RAI1: variants seen among roughly 807,000 people sequenced by gnomAD.
RAI1 encodes retinoic acid induced 1.
Under a neutral mutation model 123.8 loss-of-function variants are expected in RAI1, and 9 were observed. That is an observed-to-expected ratio of 0.07 (90% CI 0.04 to 0.13). RAI1 has a LOEUF of 0.13. RAI1 is among the 10% of genes least tolerant of loss of function. The pLI is 1.00. For missense variants in RAI1, 2,256 were observed against 2,545.8 expected (o/e 0.89, Z 2.45); for synonymous variants, 1,231 against 1,127.3 (o/e 1.09, Z -1.84).
At position 17,707,888 on chromosome 17, in the gene RAI1, A is replaced by G. The variant is rs768664689; in HGVS notation, c.-148-16140A>G. Among the ~76,000 whole-genome samples, 263 of 152,336 alleles carry G rather than the reference A, an allele frequency of 1.7e-3. 3 individuals are homozygous for G. The highest frequency in any genetic ancestry group is 2.2e-3 in the Non-Finnish European group (148 of 68,022). On this transcript the variant is annotated intron_variant, in intron 1 of 5. Transcript: ENST00000353383. ...GGATCATAGGTGTGAGCCACCGTGC[A>G]GGCCAGACTCTAGCTTTCATTCTGA...
At position 17,797,832 on chromosome 17, in the gene RAI1, C is replaced by T. The variant is rs763401743; in HGVS notation, c.4884C>T (p.Ser1628=). 5 of 1,614,060 alleles carry T rather than the reference C, an allele frequency of 3.1e-6. No individual in the cohort carries two copies. The East Asian group carries it at 1.1e-4, about 36-fold the overall frequency. ...CGCCCAAGCCCCACAGGAAGCCTTC[C>T]TCCTCTGCCTCCTCTTCCTCATCCT... is the stretch of plus-strand genomic sequence containing the variant. The part of the protein sequence containing the change: ...GDAPKPHRKP[S]SSASSSSSSS... The change falls in exon 3 of 6, where the codon TCC becomes TCT. Residue 1628 remains serine, a synonymous_variant. Coordinates refer to ENST00000353383, the MANE Select transcript of RAI1 (RefSeq NM_030665.4).
At position 17,810,000 on chromosome 17, in the gene RAI1, G is replaced by C. The variant is rs199817588; in HGVS notation, c.*19G>C. On this transcript the variant is annotated 3_prime_UTR_variant, in exon 6 of 6. Transcript: ENST00000353383. This position sits in a 1 kb window ranked among gnomAD's most constrained non-coding sequence, Gnocchi z 4.9. ...GCCGTAGTAATCCACCCCAACGGCC[G>C]GAGGAGCCGCCGGAGCCCGCCTGCC... 3 of 1,546,658 alleles carry C rather than the reference G, an allele frequency of 1.9e-6. No individual in the cohort carries two copies. Among genetic ancestry groups the C allele is most frequent in the East Asian group, 4.9e-5 (2 of 40,836 alleles).
At chr17:17,788,915 C>T (rs1020127703) in intron 2 of RAI1, among the ~76,000 whole-genome samples, 4 of 152,222 alleles carry the variant, frequency 2.6e-5, no homozygotes, top group Admixed American at 6.5e-5. Context: ...TGACCTCTCC[C>T]TGAGGCTGCC....
At position 17,793,804 on chromosome 17, in the gene RAI1, C is replaced by T; in HGVS notation, c.856C>T (p.Gln286Ter). Residue 286 changes from glutamine (Q) to a stop codon, truncating the protein, a stop_gained, in exon 3 of 6, where the codon CAG (glutamine) becomes TAG (stop). Coordinates refer to ENST00000353383, the MANE Select transcript of RAI1 (RefSeq NM_030665.4). LOFTEE classifies it high-confidence loss of function. The stretch of plus-strand genomic sequence containing the variant: ...CCAGCAGCAGCAGCAGCAGCAGCAG[C>T]AGCAGCAGCAGCAGCAAGCCCTTCA... ...YDQQQQQQQQ[Q>*]QQQQQALQSR... 6.2e-7 allele frequency: 1 copy of T among 1,612,176 alleles called. No homozygotes were observed.
chr17:17,720,272 C>A (rs1915838780), intron 1 of RAI1, among the ~76,000 whole-genome samples: 1 of 152,226 alleles, frequency 6.6e-6, no homozygotes, highest in Non-Finnish European at 1.5e-5. Context: ...GCTGACATGT[C>A]CAGACCTAGG....
chr17:17,740,253 G>A (rs76982372), intron 2 of RAI1, among the ~76,000 whole-genome samples: 2,316 of 152,266 alleles, frequency 0.015, 51 homozygotes, highest in African/African-American at 0.045. Flanking sequence ...TGTGCTGGTG[G>A]TCCAGGCCCC....
chr17:17,716,332 T>C (rs570859729), intron 1 of RAI1, among the ~76,000 whole-genome samples: 51 of 152,370 alleles, frequency 3.3e-4, no homozygotes, highest in African/African-American at 1.2e-3. Flanking sequence ...CTTGGGTGTG[T>C]GTGGACTTCT....
intron 2 of RAI1, among the ~76,000 whole-genome samples, chr17:17,734,926 T>C (rs1916380551): frequency 6.6e-6 from 1 of 152,186 alleles, no homozygotes; most frequent in Non-Finnish European, 1.5e-5. Context: ...CCACCTGACA[T>C]GGGGCAGGGA....
chr17:17,701,514 G>A (rs139295227), intron 1 of RAI1, among the ~76,000 whole-genome samples: 8 of 152,266 alleles, frequency 5.3e-5, no homozygotes, highest in African/African-American at 1.7e-4. Flanking sequence ...ACGGAAGAGG[G>A]AATAGACAGA....
At chr17:17,773,744 C>A (rs922499072) in intron 2 of RAI1, among the ~76,000 whole-genome samples, 2 of 152,122 alleles carry the variant, frequency 1.3e-5, no homozygotes, top group Admixed American at 6.5e-5. Flanking sequence ...GCTTCTGCTG[C>A]AGCCCCTGCC....
chr17:17,771,479 G>A (rs2031156241), intron 2 of RAI1, among the ~76,000 whole-genome samples: 1 of 152,192 alleles, frequency 6.6e-6, no homozygotes, highest in African/African-American at 2.4e-5. Flanking sequence ...GTGACCAAGG[G>A]GCTCTAGAGG....
At chr17:17,744,822 G>A (rs1443100434) in intron 2 of RAI1, among the ~76,000 whole-genome samples, 2 of 147,818 alleles carry the variant, frequency 1.4e-5, no homozygotes, top group Non-Finnish European at 3.0e-5. Context: ...AAGGAAAACT[G>A]TAGAGGCACA....
At chr17:17,722,248 GATGCAGCGACGGATGGATGGATGA>G (rs1179333720) in intron 1 of RAI1, among the ~76,000 whole-genome samples, 1 of 152,218 alleles carries the variant, frequency 6.6e-6, no homozygotes, top group Non-Finnish European at 1.5e-5. Flanking sequence ...AAGGTGGGTG[GATGCAGCGACGGATGGATGGATGA>G]ATGAATGAAT....
chr17:17,735,353 CT>C (rs554442849), intron 2 of RAI1, among the ~76,000 whole-genome samples: 358 of 132,390 alleles, frequency 2.7e-3, no homozygotes, highest in East Asian at 7.3e-3. Context: ...AATGCCCAGC[CT>C]TTTTTTTTTT....
Position 17,795,135 on chromosome 17 carries a change from C to A in RAI1, c.2187C>A (p.Phe729Leu), listed in dbSNP as rs767362577. ...CCACTACAGCAGCTTTTGACTGTTT[C>A]CCGGACACAACCGCTGCCAGCTCAG... ...PDPTTAAFDC[F>L]PDTTAASSAD... Residue 729 changes from phenylalanine to leucine, a missense_variant, in exon 3 of 6, where the codon TTC (phenylalanine) becomes TTA (leucine). Transcript: ENST00000353383. This position sits in a 1 kb window ranked among gnomAD's most constrained non-coding sequence, Gnocchi z 5.9. 6.2e-7 allele frequency: 1 copy of A among 1,613,972 alleles called. No individual in the cohort carries two copies. The highest frequency in any genetic ancestry group is 1.3e-5 in the African/African-American group (1 of 74,928).
chr17:17,690,589 G>C (rs1417114343), intron 1 of RAI1, among the ~76,000 whole-genome samples: 5 of 152,138 alleles, frequency 3.3e-5, no homozygotes, highest in African/African-American at 1.2e-4. Context: ...TTGTTAAGAG[G>C]ATCAAATGAG....
At chr17:17,700,436 G>A (rs1006911813) in intron 1 of RAI1, among the ~76,000 whole-genome samples, 3 of 151,814 alleles carry the variant, frequency 2.0e-5, no homozygotes, top group Non-Finnish European at 2.9e-5. Context: ...GCGTTCGCGC[G>A]CAGCCCCTGC....
intron 1 of RAI1, among the ~76,000 whole-genome samples, chr17:17,694,681 C>T (rs1212226914): frequency 6.6e-6 from 1 of 151,462 alleles, no homozygotes; most frequent in Non-Finnish European, 1.5e-5. Context: ...GGTGGCGTCC[C>T]ACAGGCCGCG....
intron 2 of RAI1, among the ~76,000 whole-genome samples, chr17:17,734,357 AC>A (rs1916357808): frequency 6.6e-6 from 1 of 151,856 alleles, no homozygotes; most frequent in Non-Finnish European, 1.5e-5. Flanking sequence ...GGTGGGAGGA[AC>A]ACCTGAGCCC....
Sources: gnomAD v4.1 joint callset for allele counts (sites outside exome capture counted in the v4.1 genomes callset) on GRCh38, gnomAD v4.1.1 for gene constraint, Gnocchi (gnomAD v3.1) non-coding constraint, MANE v1.5 for transcripts, NCBI Gene and HGNC (gene_info 2026-07-23, HGNC 2026-07-21) for gene names.